Variants in UST observed in about 807,000 individuals in gnomAD.
The protein encoded by UST is chondroitin sulfate 2-O-sulfotransferase.
In UST, 21 loss-of-function variants were observed where a neutral mutation model predicts 45.6. The ratio of observed to expected loss-of-function variants is 0.46; its 90% CI spans 0.33 to 0.66. The LOEUF (loss-of-function observed/expected upper bound fraction) is 0.66, where lower values mean the gene tolerates loss of function less well. UST is among the 30% of genes least tolerant of loss of function. UST has a pLI of 0.02. For missense variants in UST, 463 were observed against 512.4 expected (o/e 0.90, Z 0.93); for synonymous variants, 215 against 200.6 (o/e 1.07, Z -0.61).
intron 1 of UST, among the ~76,000 whole-genome samples, chr6:148,776,788 G>C (rs932136477): frequency 6.6e-6 from 1 of 152,080 alleles, no homozygotes; most frequent in African/African-American, 2.4e-5. Flanking sequence ...TTTGAATCTC[G>C]TAAGACATTG....
intron 1 of UST, among the ~76,000 whole-genome samples, chr6:148,812,682 C>G (rs929812314): frequency 6.6e-6 from 1 of 152,150 alleles, no homozygotes; most frequent in South Asian, 2.1e-4. Context: ...AGCTGACTTC[C>G]CCTGGAATGA....
chr6:148,927,533 T>A (rs1779839706), intron 2 of UST, among the ~76,000 whole-genome samples: 2 of 152,134 alleles, frequency 1.3e-5, no homozygotes, highest in Non-Finnish European at 2.9e-5. Flanking sequence ...AACAAGTTAT[T>A]TAATCCCCCT....
chr6:148,989,965 C>T (rs1276901033), intron 5 of UST, among the ~76,000 whole-genome samples: 1 of 152,150 alleles, frequency 6.6e-6, no homozygotes, highest in African/African-American at 2.4e-5. Flanking sequence ...ACTAAAGAAA[C>T]ATTGGCCTCT....
chr6:148,794,614 G>C (rs1464692307), intron 1 of UST, among the ~76,000 whole-genome samples: 1 of 152,168 alleles, frequency 6.6e-6, no homozygotes, highest in Non-Finnish European at 1.5e-5. Flanking sequence ...AATCCCTACT[G>C]CCAGAAAATT....
chr6:148,998,446 G>C (rs1781490215), intron 5 of UST, among the ~76,000 whole-genome samples: 1 of 152,088 alleles, frequency 6.6e-6, no homozygotes, highest in Non-Finnish European at 1.5e-5. Flanking sequence ...CTGATCTCTG[G>C]CCTACGTTTT....
intron 5 of UST, 134 bp downstream of exon 5, chr6:148,964,697 TC>T: frequency 4.3e-6 from 5 of 1,173,816 alleles, no homozygotes; most frequent in Non-Finnish European, 4.7e-6. Flanking sequence ...AGAGGGTGCT[TC>T]CGCAGGAAGG....
intron 1 of UST, among the ~76,000 whole-genome samples, chr6:148,823,771 C>T (rs560949445): frequency 8.5e-4 from 129 of 152,100 alleles, no homozygotes; most frequent in Admixed American, 2.3e-3. Flanking sequence ...CTGTAGACTG[C>T]GAAGAGATTT....
intron 1 of UST, among the ~76,000 whole-genome samples, chr6:148,800,630 C>G (rs1431016898): frequency 6.6e-6 from 1 of 151,962 alleles, no homozygotes; most frequent in Non-Finnish European, 1.5e-5. Context: ...TGTATCATCT[C>G]TGATTCACAA....
intron 1 of UST, among the ~76,000 whole-genome samples, chr6:148,884,028 G>C (rs920492613): frequency 4.0e-5 from 6 of 151,848 alleles, no homozygotes; most frequent in African/African-American, 1.5e-4. Flanking sequence ...AGCTGCTCGG[G>C]AGGCTGAGGC....
chr6:148,956,809 C>T (rs576257039), intron 4 of UST, among the ~76,000 whole-genome samples: 105 of 152,330 alleles, frequency 6.9e-4, no homozygotes, highest in African/African-American at 2.5e-3. Context: ...CTGCAGTCAA[C>T]ATTAAATGTT....
intron 1 of UST, among the ~76,000 whole-genome samples, chr6:148,752,605 A>G (rs1281211232): frequency 1.3e-5 from 2 of 152,262 alleles, no homozygotes; most frequent in East Asian, 1.9e-4. Flanking sequence ...AAGAACACAT[A>G]TAAATGTGGA....
Position 148,935,000 on chromosome 6 carries a change from A to C in UST, c.292-6279A>C, listed in dbSNP as rs1020716180. ...AAGAGCTCTATAGACTCTGGGTCTCATAGACTATGAAAGTCTTGGTCCAGA... is the reference window on the plus strand; with the variant it reads ...AAGAGCTCTATAGACTCTGGGTCTCCTAGACTATGAAAGTCTTGGTCCAGA... On this transcript the variant is annotated intron_variant, in intron 2 of 7. Coordinates refer to ENST00000367463, the MANE Select transcript of UST (RefSeq NM_005715.3). This position sits in a 1 kb window ranked among gnomAD's most constrained non-coding sequence, Gnocchi z 4.1. Among the ~76,000 whole-genome samples the C allele has an allele frequency of 6.6e-6, 1 of 152,226 alleles. No individual in the cohort carries two copies. Among genetic ancestry groups the C allele is most frequent in the Admixed American group, 6.5e-5 (1 of 15,280 alleles).
intron 1 of UST, among the ~76,000 whole-genome samples, chr6:148,848,085 T>C (rs1294684512): frequency 6.6e-6 from 1 of 152,190 alleles, no homozygotes; most frequent in African/African-American, 2.4e-5. Context: ...AAAAAAATCT[T>C]AGGGTCATAT....
At chr6:149,068,370 T>A (rs1384353906) in intron 7 of UST, among the ~76,000 whole-genome samples, 1 of 152,194 alleles carries the variant, frequency 6.6e-6, no homozygotes, top group Non-Finnish European at 1.5e-5. Context: ...TCCTCATGTA[T>A]AAAATGGCTC....
chr6:148,900,293 C>G (rs749274607), intron 2 of UST, among the ~76,000 whole-genome samples: 1 of 152,100 alleles, frequency 6.6e-6, no homozygotes, highest in African/African-American at 2.4e-5. Context: ...TCCTTTCACT[C>G]TCTTCTGTAT....
chr6:148,786,120 A>G (rs958643279), intron 1 of UST, among the ~76,000 whole-genome samples: 4 of 151,800 alleles, frequency 2.6e-5, no homozygotes, highest in African/African-American at 9.7e-5. Flanking sequence ...CAGGATGTAT[A>G]TGATTCTCTT....
intron 1 of UST, among the ~76,000 whole-genome samples, chr6:148,823,312 AT>A: frequency 6.6e-6 from 1 of 152,248 alleles, no homozygotes; most frequent in Admixed American, 6.5e-5. Flanking sequence ...CACTGACATT[AT>A]AAAAGTTACC....
intron 1 of UST, among the ~76,000 whole-genome samples, chr6:148,849,432 T>A (rs1286339487): frequency 6.6e-6 from 1 of 152,206 alleles, no homozygotes; most frequent in Non-Finnish European, 1.5e-5. Flanking sequence ...AAACTCCTTT[T>A]GCCACATTTC....
intron 2 of UST, among the ~76,000 whole-genome samples, chr6:148,916,201 C>CAT (rs1358169347): frequency 6.6e-6 from 1 of 152,106 alleles, no homozygotes; most frequent in African/African-American, 2.4e-5. Context: ...CATCACAGGC[C>CAT]ATAATATTGG....
Sources: gnomAD v4.1 joint callset for allele counts (sites outside exome capture counted in the v4.1 genomes callset) on GRCh38, gnomAD v4.1.1 for gene constraint, Gnocchi (gnomAD v3.1) non-coding constraint, MANE v1.5 for transcripts, NCBI Gene and HGNC (gene_info 2026-07-23, HGNC 2026-07-21) for gene names.